Variants in NFIL3 observed in about 807,000 individuals in gnomAD.
NFIL3 encodes the protein nuclear factor interleukin-3-regulated protein.
A neutral mutation model predicts 10.0 loss-of-function variants in NFIL3; 5 were observed. The ratio of observed to expected loss-of-function variants is 0.50; its 90% CI spans 0.26 to 1.06. The LOEUF is 1.06. Among genes scored for constraint, NFIL3 ranks in the 50% least tolerant of loss-of-function variants. NFIL3 has a pLI of 0.13. For synonymous variants in NFIL3, 202 were observed against 206.5 expected (o/e 0.98, Z 0.19); for missense variants, 436 against 547.6 (o/e 0.80, Z 2.03).
At chr9:91,424,222 C>T (rs1434972159), upstream of NFIL3, among the ~76,000 whole-genome samples, 2 of 152,072 alleles carry the variant, frequency 1.3e-5, no homozygotes, top group African/African-American at 2.4e-5. Context: ...TTCACCCTCC[C>T]GGTCGCCGCG....
the NFIL3 span, among the ~76,000 whole-genome samples, chr9:91,446,875 G>T: frequency 6.6e-6 from 1 of 151,024 alleles, no homozygotes; most frequent in African/African-American, 2.4e-5. Flanking sequence ...GAATGCAATG[G>T]CATGGTCTTG....
the NFIL3 span, among the ~76,000 whole-genome samples, chr9:91,475,787 T>C: frequency 1.3e-5 from 2 of 152,220 alleles, no homozygotes; most frequent in Admixed American, 6.5e-5. Flanking sequence ...TAAGGACTAC[T>C]TATAACCATA....
chr9:91,474,597 G>A, the NFIL3 span, among the ~76,000 whole-genome samples: 1 of 152,140 alleles, frequency 6.6e-6, no homozygotes, highest in African/African-American at 2.4e-5. Context: ...TGTGAGGGCA[G>A]GAGTGATGGC....
chr9:91,450,108 T>C, the NFIL3 span, among the ~76,000 whole-genome samples: 1 of 152,152 alleles, frequency 6.6e-6, no homozygotes, highest in Non-Finnish European at 1.5e-5. Context: ...TCTTTATTAG[T>C]CTAGCTAAAT....
the NFIL3 span, among the ~76,000 whole-genome samples, chr9:91,436,955 G>A: frequency 2.0e-5 from 3 of 152,200 alleles, no homozygotes; most frequent in Admixed American, 6.5e-5. Flanking sequence ...TTGGGGGATG[G>A]TTTCAGGATA....
chr9:91,467,577 T>C, the NFIL3 span, among the ~76,000 whole-genome samples: 2,229 of 152,292 alleles, frequency 0.015, 19 homozygotes, highest in East Asian at 0.027. Flanking sequence ...AGGGTACATG[T>C]ACATAACGTG....
chr9:91,425,212 G>A (rs1029616702), upstream of NFIL3, among the ~76,000 whole-genome samples: 1 of 152,152 alleles, frequency 6.6e-6, no homozygotes, highest in South Asian at 2.1e-4. Context: ...TTTTTAAAAA[G>A]CAAAAACCAA....
In NFIL3 at chr9:91,410,110, T is replaced by G. The variant is rs1168616978; in HGVS notation, c.625A>C (p.Arg209=). The change falls in exon 2 of 2, where the codon AGA becomes CGA. Residue 209 remains arginine, a synonymous_variant. Transcript: ENST00000297689. This position sits in a 1 kb window ranked among gnomAD's most constrained non-coding sequence, Gnocchi z 5.7. ...ATCTGGAACTTGTTTTCAGGACTTC[T>G]GCAGCTTCCCTGCACAGAGCTCTCC... ...TQESSVQGSC[R]SPENKFQIIK... is the part of the protein sequence containing the mutation. The G allele has an allele frequency of 6.2e-7, 1 of 1,614,004 alleles. No individual in the cohort carries two copies. The highest frequency in any genetic ancestry group is 1.3e-5 in the African/African-American group (1 of 74,938).
At chr9:91,427,624 T>A (rs1411564060), upstream of NFIL3, among the ~76,000 whole-genome samples, 2 of 106,594 alleles carry the variant, frequency 1.9e-5, no homozygotes, top group Admixed American at 9.6e-5. Flanking sequence ...CCGTTTTTGT[T>A]GTTGTTGTTG....
chr9:91,410,090 G>A lies in NFIL3; in HGVS notation c.645C>T (p.Phe215=). The part of the protein sequence containing the change: ...QGSCRSPENK[F]QIIKQEPMEL... The stretch of plus-strand genomic sequence containing the variant: ...CCATCGGCTCTTGCTTGATAATCTG[G>A]AACTTGTTTTCAGGACTTCTGCAGC... Residue 215 remains phenylalanine (F), a synonymous_variant, in exon 2 of 2, where the codon TTC becomes TTT. Transcript: ENST00000297689. This position sits in a 1 kb window ranked among gnomAD's most constrained non-coding sequence, Gnocchi z 5.7. 2 of 1,613,748 alleles carry A rather than the reference G, an allele frequency of 1.2e-6. No individual in the cohort carries two copies. Among genetic ancestry groups the A allele is most frequent in the Non-Finnish European group, 1.7e-6 (2 of 1,180,018 alleles).
chr9:91,421,384 G>A (rs1417500937), intron 1 of NFIL3, among the ~76,000 whole-genome samples: 1 of 152,022 alleles, frequency 6.6e-6, no homozygotes, highest in African/African-American at 2.4e-5. Context: ...TCCTCCCTCC[G>A]GGTGGGCGGC....
the NFIL3 span, among the ~76,000 whole-genome samples, chr9:91,436,087 A>G: frequency 6.6e-6 from 1 of 152,228 alleles, no homozygotes; most frequent in Admixed American, 6.5e-5. Context: ...CCCAAATCAA[A>G]CTGCAGAATT....
chr9:91,440,366 AT>A, the NFIL3 span, among the ~76,000 whole-genome samples: 2 of 151,884 alleles, frequency 1.3e-5, no homozygotes, highest in African/African-American at 4.8e-5. Flanking sequence ...CTTCAATATC[AT>A]TTTTTATTTT....
At chr9:91,452,815 T>C in the NFIL3 span, among the ~76,000 whole-genome samples, 1 of 144,658 alleles carries the variant, frequency 6.9e-6, no homozygotes, top group Non-Finnish European at 1.5e-5. Flanking sequence ...AAAAGCAAGC[T>C]GTACCTCAAC....
the NFIL3 span, among the ~76,000 whole-genome samples, chr9:91,455,312 T>A: frequency 6.6e-6 from 1 of 152,230 alleles, no homozygotes; most frequent in African/African-American, 2.4e-5. Flanking sequence ...TGACTGATGT[T>A]GAGTTTCTAT....
chr9:91,473,660 C>T, the NFIL3 span, among the ~76,000 whole-genome samples: 1 of 152,222 alleles, frequency 6.6e-6, no homozygotes, highest in Non-Finnish European at 1.5e-5. Context: ...ACTCCTTGTG[C>T]TTCCTGGGTA....
chr9:91,410,070 G>A lies in NFIL3; in HGVS notation c.665C>T (p.Pro222Leu), dbSNP rs1430787692. 6.2e-7 allele frequency: 1 copy of A among 1,613,198 alleles called. No individual in the cohort carries two copies. Among genetic ancestry groups the A allele is most frequent in the Non-Finnish European group, 8.5e-7 (1 of 1,179,974 alleles). Residue 222 changes from proline (P) to leucine (L), a missense_variant, in exon 2 of 2, where the codon CCG becomes CTG. By Grantham distance (98) the Pro-to-Leu change is moderately conservative. Around this residue, in one of 3 missense-constraint regions of NFIL3, gnomAD observed 338 missense variants for 399.9 expected, o/e 0.85. Transcript: ENST00000297689. The surrounding 1 kb of genome is among the most constrained non-coding windows in gnomAD (Gnocchi z 5.7). ...CCTTGTGTAGCTCTCTAATTCCATC[G>A]GCTCTTGCTTGATAATCTGGAACTT... ...ENKFQIIKQE[P>L]MELESYTREP... is the part of the protein sequence containing the mutation.
the NFIL3 span, among the ~76,000 whole-genome samples, chr9:91,434,653 T>C: frequency 6.6e-6 from 1 of 152,210 alleles, no homozygotes; most frequent in African/African-American, 2.4e-5. Context: ...GTTCACATTT[T>C]TATTCTAGAA....
At chr9:91,435,491 A>T in the NFIL3 span, among the ~76,000 whole-genome samples, 1 of 152,184 alleles carries the variant, frequency 6.6e-6, no homozygotes. Flanking sequence ...AGGAGGTTGA[A>T]ATGGAACTTG....
Sources: allele counts gnomAD v4.1 joint callset (sites outside exome capture counted in the v4.1 genomes callset), GRCh38; gene constraint gnomAD v4.1.1; regional missense constraint gnomAD v4.1.1; non-coding constraint Gnocchi (gnomAD v3.1); transcripts MANE v1.5; gene names NCBI Gene and HGNC (gene_info 2026-07-23, HGNC 2026-07-21).